The following STK38L variants were observed in gnomAD, a reference collection of about 807,000 sequenced individuals.
STK38L encodes serine/threonine-protein kinase 38-like.
Under a neutral mutation model 59.7 loss-of-function variants are expected in STK38L, and 28 were observed. The observed-to-expected ratio is 0.47, with a 90% confidence interval of 0.35 to 0.64. The LOEUF (loss-of-function observed/expected upper bound fraction) is 0.64, where lower values mean the gene tolerates loss of function less well. STK38L is among the 30% of genes least tolerant of loss of function. STK38L has a pLI of 0.01. For synonymous variants in STK38L, 162 were observed against 176.8 expected (o/e 0.92, Z 0.66); for missense variants, 314 against 555.8 (o/e 0.56, Z 4.37).
chr12:27,256,350 C>G (rs1278926774), intron 1 of STK38L, among the ~76,000 whole-genome samples: 1 of 152,230 alleles, frequency 6.6e-6, no homozygotes, highest in Non-Finnish European at 1.5e-5. Flanking sequence ...TCTTCCATCA[C>G]TCCCCTACTC....
intron 12 of STK38L, among the ~76,000 whole-genome samples, chr12:27,321,149 A>C (rs1174378355): frequency 6.6e-6 from 1 of 152,226 alleles, no homozygotes; most frequent in African/African-American, 2.4e-5. Context: ...TTAAAGTAGT[A>C]TACTAAGTAT....
At chr12:27,307,242 G>A (rs762122481) in intron 3 of STK38L, among the ~76,000 whole-genome samples, 2 of 152,090 alleles carry the variant, frequency 1.3e-5, no homozygotes, top group Non-Finnish European at 2.9e-5. Context: ...CCATTGGTGT[G>A]CCTTAGTGTA....
At chr12:27,276,102 A>T (rs966772205) in intron 1 of STK38L, among the ~76,000 whole-genome samples, 1 of 152,152 alleles carries the variant, frequency 6.6e-6, no homozygotes, top group African/African-American at 2.4e-5. Context: ...AAACTTCATT[A>T]TGGAAAAATT....
intron 1 of STK38L, among the ~76,000 whole-genome samples, chr12:27,251,921 C>T (rs1403674267): frequency 1.3e-5 from 2 of 152,104 alleles, no homozygotes; most frequent in South Asian, 2.1e-4. Flanking sequence ...GGAGGACAGA[C>T]ATAAACAGTG....
At chr12:27,261,714 G>A (rs1475641562) in intron 1 of STK38L, among the ~76,000 whole-genome samples, 3 of 152,172 alleles carry the variant, frequency 2.0e-5, no homozygotes, top group Non-Finnish European at 2.9e-5. Flanking sequence ...TTAACTGTGT[G>A]ACCTGAAACA....
chr12:27,312,468 T>C (rs890473732), intron 5 of STK38L, 81 bp from the exon 6 acceptor site: 33 of 1,458,400 alleles, frequency 2.3e-5, no homozygotes, highest in Non-Finnish European at 2.9e-5. Flanking sequence ...TTAACTGTTA[T>C]GGATGGATAA....
At chr12:27,309,705 T>C (rs7138856) in intron 5 of STK38L, among the ~76,000 whole-genome samples, 50,608 of 152,072 alleles carry the variant, frequency 0.33, 8,453 homozygotes, top group South Asian at 0.37. Context: ...TACAGCCTCA[T>C]TGGAGATTAA....
chr12:27,295,870 T>TA (rs1202309479), intron 1 of STK38L, among the ~76,000 whole-genome samples: 22 of 152,328 alleles, frequency 1.4e-4, no homozygotes, highest in Non-Finnish European at 3.2e-4. Flanking sequence ...TGCAGAGACA[T>TA]ATCCTGCAGT....
At chr12:27,268,241 A>AT (rs1943341336) in intron 1 of STK38L, among the ~76,000 whole-genome samples, 1 of 152,082 alleles carries the variant, frequency 6.6e-6, no homozygotes, top group African/African-American at 2.4e-5. Flanking sequence ...AACATTAGGT[A>AT]TATCTCCTAA....
At chr12:27,294,097 A>G (rs1317819730) in intron 1 of STK38L, among the ~76,000 whole-genome samples, 1 of 152,222 alleles carries the variant, frequency 6.6e-6, no homozygotes, top group East Asian at 1.9e-4. Flanking sequence ...GTTGTTTACC[A>G]AAAAGCATTT....
intron 1 of STK38L, among the ~76,000 whole-genome samples, chr12:27,283,414 C>T (rs961255877): frequency 6.6e-6 from 1 of 152,190 alleles, no homozygotes; most frequent in Non-Finnish European, 1.5e-5. Context: ...GTGCTTGGAA[C>T]AATGCCTATG....
intron 1 of STK38L, among the ~76,000 whole-genome samples, chr12:27,277,718 C>T (rs1347952345): frequency 6.6e-6 from 1 of 151,962 alleles, no homozygotes; most frequent in Admixed American, 6.6e-5. Flanking sequence ...ACCAATTTTT[C>T]CAGCTATTTG....
chr12:27,294,158 T>G (rs1338422561), intron 1 of STK38L, among the ~76,000 whole-genome samples: 1 of 152,214 alleles, frequency 6.6e-6, no homozygotes, highest in Non-Finnish European at 1.5e-5. Context: ...GAAGGTTCAC[T>G]GGAATACTAC....
At chr12:27,320,651 T>C (rs2136653726) in intron 12 of STK38L, among the ~76,000 whole-genome samples, 1 of 152,216 alleles carries the variant, frequency 6.6e-6, no homozygotes, top group East Asian at 1.9e-4. Context: ...TTAAGTACTT[T>C]ACTTGCGTTT....
intron 1 of STK38L, among the ~76,000 whole-genome samples, chr12:27,276,540 A>C (rs1943541990): frequency 6.6e-6 from 1 of 152,134 alleles, no homozygotes. Flanking sequence ...AAATTGTGCA[A>C]GGTGGAAGTG....
chr12:27,295,213 T>C (rs1943986797), intron 1 of STK38L, among the ~76,000 whole-genome samples: 1 of 152,248 alleles, frequency 6.6e-6, no homozygotes, highest in African/African-American at 2.4e-5. Context: ...TTTAGCACAA[T>C]ACAAAGATTA....
In STK38L at chr12:27,322,514, C is replaced by A; in HGVS notation, c.*59C>A. The A allele has an allele frequency of 6.3e-7, 1 of 1,583,932 alleles. No individual in the cohort carries two copies. The highest frequency in any genetic ancestry group is 2.2e-5 in the East Asian group (1 of 44,760). ...TCAGGTAGCTGCATCACCAGGCTTG[C>A]TTGGCGTAGATAACAATACACTGAA... is the stretch of plus-strand genomic sequence containing the variant. On this transcript the variant is annotated 3_prime_UTR_variant, in exon 14 of 14. Coordinates refer to ENST00000389032, the MANE Select transcript of STK38L (RefSeq NM_015000.4).
Position 27,253,304 on chromosome 12 carries a change from G to A in STK38L, c.-12+8972G>A, listed in dbSNP as rs11048951. Among the ~76,000 whole-genome samples, 1,115 of 152,262 alleles carry A rather than the reference G, an allele frequency of 7.3e-3. 20 individuals are homozygous for A. The highest frequency in any genetic ancestry group is 0.022 in the African/African-American group (920 of 41,522). ...CATTAATTACTTAGAGTTGTAAGTG[G>A]CAGTAGTGTATATGGAGTGAATTCA... is the stretch of plus-strand genomic sequence containing the variant. On this transcript the variant is annotated intron_variant, in intron 1 of 13. Coordinates refer to ENST00000389032, the MANE Select transcript of STK38L (RefSeq NM_015000.4).
At chr12:27,317,526 A>G in intron 10 of STK38L, 73 bp downstream of exon 10, 3 of 1,186,074 alleles carry the variant, frequency 2.5e-6, no homozygotes, top group Admixed American at 4.4e-5. Flanking sequence ...CATATTACAG[A>G]TATCATTGAC....
Sources: allele counts gnomAD v4.1 joint callset (sites outside exome capture counted in the v4.1 genomes callset), GRCh38; gene constraint gnomAD v4.1.1; transcripts MANE v1.5; gene names NCBI Gene and HGNC (gene_info 2026-07-23, HGNC 2026-07-21).